NDUFS4: variants seen among roughly 807,000 people sequenced by gnomAD.
NDUFS4 encodes NADH:ubiquinone oxidoreductase subunit S4.
In NDUFS4, 28 loss-of-function variants were observed where a neutral mutation model predicts 24.3. That is an observed-to-expected ratio of 1.15 (90% CI 0.85 to 1.58). The LOEUF (loss-of-function observed/expected upper bound fraction) is 1.58, where lower values mean the gene tolerates loss of function less well. Among genes scored for constraint, NDUFS4 ranks in the 40% most tolerant of loss-of-function variants. The probability of loss-of-function intolerance (pLI) is 0.00; values close to 1 mark genes in which losing one functional copy is unlikely to be tolerated. For synonymous variants in NDUFS4, 93 were observed against 69.7 expected, an observed-to-expected ratio of 1.34 and a Z score of -1.67; for missense variants, 223 against 207.9, an observed-to-expected ratio of 1.07 and a Z score of -0.45.
chr5:53,643,799 A>G (rs189705802), intron 2 of NDUFS4, among the ~76,000 whole-genome samples: 83 of 152,248 alleles, frequency 5.5e-4, no homozygotes, highest in Non-Finnish European at 1.0e-3. Context: ...CAGCAGCTCA[A>G]TTGGGCTGTA....
intron 1 of NDUFS4, among the ~76,000 whole-genome samples, chr5:53,584,419 G>A (rs1332087952): frequency 1.3e-5 from 2 of 151,910 alleles, no homozygotes; most frequent in Non-Finnish European, 2.9e-5. Context: ...GCAATGGCGC[G>A]ATCTCAGCTC....
chr5:53,594,156 A>C (rs1242428870), intron 1 of NDUFS4, among the ~76,000 whole-genome samples: 1 of 152,162 alleles, frequency 6.6e-6, no homozygotes, highest in East Asian at 1.9e-4. Flanking sequence ...AGTGTCCCAC[A>C]ATAATAATGC....
At position 53,646,392 on chromosome 5, in the gene NDUFS4, G is replaced by C. The variant is rs370112781; in HGVS notation, c.337G>C (p.Gly113Arg). 1.2e-6 allele frequency: 2 copies of C among 1,613,422 alleles called. No homozygotes were observed. Among genetic ancestry groups the C allele is most frequent in the African/African-American group, 1.3e-5 (1 of 74,872 alleles). The change falls in exon 3 of 5, where the codon GGT (glycine) becomes CGT (arginine). Residue 113 changes from glycine (G) to arginine (R), a missense_variant. By Grantham distance (125) the Gly-to-Arg change is moderately radical. Transcript: ENST00000296684. ...AGAGCGATGGGAAAATCCTTTGATG[G>C]GTTGGGCATCAACGTGAGTACTTTA... ...TRERWENPLMGWASTADPLSN... is the reference protein window; with the variant it reads ...TRERWENPLMRWASTADPLSN...
chr5:53,562,094 C>T (rs1218116348), intron 1 of NDUFS4, among the ~76,000 whole-genome samples: 1 of 151,988 alleles, frequency 6.6e-6, no homozygotes, highest in Non-Finnish European at 1.5e-5. Flanking sequence ...ACCTCCGCCT[C>T]CCGGGTTCAA....
intron 1 of NDUFS4, among the ~76,000 whole-genome samples, chr5:53,579,797 G>A (rs1244572486): frequency 2.0e-5 from 3 of 152,182 alleles, no homozygotes; most frequent in Admixed American, 2.0e-4. Flanking sequence ...TGGTGGGCCT[G>A]ATGTAATCAC....
intron 2 of NDUFS4, among the ~76,000 whole-genome samples, chr5:53,644,154 A>G (rs1338142130): frequency 1.3e-5 from 2 of 152,178 alleles, no homozygotes; most frequent in African/African-American, 4.8e-5. Flanking sequence ...TCACTTTGGC[A>G]TATATGCATC....
chr5:53,610,604 A>ATT (rs1410922808), intron 2 of NDUFS4, among the ~76,000 whole-genome samples: 1 of 152,186 alleles, frequency 6.6e-6, no homozygotes, highest in Admixed American at 6.6e-5. Flanking sequence ...AGTTCATAAA[A>ATT]TGAGGTATGC....
chr5:53,586,889 T>C (rs1304793943), intron 1 of NDUFS4, among the ~76,000 whole-genome samples: 1 of 152,068 alleles, frequency 6.6e-6, no homozygotes, highest in Non-Finnish European at 1.5e-5. Flanking sequence ...ATTGGCACAA[T>C]ATCGGCTCAC....
chr5:53,581,689 T>C (rs1401189807), intron 1 of NDUFS4, among the ~76,000 whole-genome samples: 1 of 152,184 alleles, frequency 6.6e-6, no homozygotes, highest in Non-Finnish European at 1.5e-5. Context: ...CATCATTTTC[T>C]TTGAGGAGCA....
intron 2 of NDUFS4, among the ~76,000 whole-genome samples, chr5:53,628,527 G>A (rs1383738478): frequency 6.6e-6 from 1 of 151,856 alleles, no homozygotes; most frequent in Non-Finnish European, 1.5e-5. Flanking sequence ...TTTTTTGGTT[G>A]GTAGGCTATT....
intron 1 of NDUFS4, among the ~76,000 whole-genome samples, chr5:53,567,357 C>T (rs773119838): frequency 6.6e-6 from 1 of 152,202 alleles, no homozygotes; most frequent in Non-Finnish European, 1.5e-5. Context: ...TTTGAGAGAC[C>T]ATGGAATGCT....
chr5:53,569,422 T>C (rs777844830), intron 1 of NDUFS4, among the ~76,000 whole-genome samples: 1 of 152,188 alleles, frequency 6.6e-6, no homozygotes, highest in Non-Finnish European at 1.5e-5. Context: ...GTTACCTTTT[T>C]AGATGTTCAG....
chr5:53,634,749 TG>T (rs2112494040), intron 2 of NDUFS4, among the ~76,000 whole-genome samples: 1 of 152,180 alleles, frequency 6.6e-6, no homozygotes, highest in African/African-American at 2.4e-5. Context: ...CCACCTTATC[TG>T]GTTTAGACTG....
At chr5:53,576,786 G>A (rs1749401943) in intron 1 of NDUFS4, among the ~76,000 whole-genome samples, 1 of 152,174 alleles carries the variant, frequency 6.6e-6, no homozygotes, top group African/African-American at 2.4e-5. Context: ...GGGAAACAAA[G>A]TTTGTGTATG....
chr5:53,621,019 T>G (rs1391999665), intron 2 of NDUFS4, among the ~76,000 whole-genome samples: 2 of 152,228 alleles, frequency 1.3e-5, no homozygotes, highest in Non-Finnish European at 1.5e-5. Flanking sequence ...GTCCACATTT[T>G]CTGTTAGTTC....
chr5:53,618,152 G>T (rs1750911742), intron 2 of NDUFS4, among the ~76,000 whole-genome samples: 1 of 152,050 alleles, frequency 6.6e-6, no homozygotes, highest in African/African-American at 2.4e-5. Context: ...CGTGCCTGTG[G>T]TCCTAGCTAC....
chr5:53,658,802 A>AG (rs1213486644), intron 4 of NDUFS4, 178 bp downstream of exon 4: 1 of 586,970 alleles, frequency 1.7e-6, no homozygotes, highest in Non-Finnish European at 3.0e-6. Context: ...AAAAAAAAAA[A>AG]AACCTAAATT....
At chr5:53,583,113 A>G (rs1192004376) in intron 1 of NDUFS4, among the ~76,000 whole-genome samples, 1 of 152,046 alleles carries the variant, frequency 6.6e-6, no homozygotes, top group African/African-American at 2.4e-5. Flanking sequence ...TCCTGACCTC[A>G]TGATCCGCCC....
At chr5:53,587,239 C>T (rs1351482710) in intron 1 of NDUFS4, among the ~76,000 whole-genome samples, 2 of 151,978 alleles carry the variant, frequency 1.3e-5, no homozygotes, top group Non-Finnish European at 2.9e-5. Context: ...GCTTGGAGTC[C>T]GTTTATGCAT....
Sources: allele counts gnomAD v4.1 joint callset (sites outside exome capture counted in the v4.1 genomes callset), GRCh38; gene constraint gnomAD v4.1.1; transcripts MANE v1.5; gene names NCBI Gene and HGNC (gene_info 2026-07-23, HGNC 2026-07-21).